The following CLIP2 variants were observed in gnomAD, a reference collection of about 807,000 sequenced individuals.
CLIP2 encodes the protein CAP-Gly domain containing linker protein 2.
CLIP2 carries 41 observed loss-of-function variants against 111.7 expected under a neutral mutation model. The ratio of observed to expected loss-of-function variants is 0.37; its 90% CI spans 0.29 to 0.48. The LOEUF (loss-of-function observed/expected upper bound fraction) is 0.48, where lower values mean the gene tolerates loss of function less well. Among genes scored for constraint, CLIP2 ranks in the 20% least tolerant of loss-of-function variants. CLIP2 has a pLI of 0.99. For missense variants in CLIP2, 1,160 were observed against 1,422.1 expected (o/e 0.82, Z 2.96); for synonymous variants, 660 against 644.2 (o/e 1.02, Z -0.37).
At chr7:74,304,105 G>A (rs560720966) in intron 1 of CLIP2, among the ~76,000 whole-genome samples, 1 of 151,888 alleles carries the variant, frequency 6.6e-6, no homozygotes, top group Non-Finnish European at 1.5e-5. Context: ...TAGGAGGTGA[G>A]GTCTCACTGT....
intron 11 of CLIP2, among the ~76,000 whole-genome samples, chr7:74,385,508 G>T (rs1791064266): frequency 6.7e-6 from 1 of 150,328 alleles, no homozygotes; most frequent in Admixed American, 6.7e-5. Flanking sequence ...GGTATTTTTA[G>T]TGGTATTACA....
chr7:74,317,367 G>T, intron 1 of CLIP2, 113 bp from the exon 2 acceptor site: 1 of 619,542 alleles, frequency 1.6e-6, no homozygotes, highest in Non-Finnish European at 2.3e-6. Flanking sequence ...AGGTTAAATC[G>T]GGTGTTGCCT....
Position 74,357,284 on chromosome 7 carries a change from C to T in CLIP2, c.1022C>T (p.Thr341Met), listed in dbSNP as rs782704898. ...TGCATCCACACCTTCCTGCAGCTCA[C>T]GGAGACCTCTTCACGCTACGCCCGC... The part of the protein sequence containing the change: ...GGRPSRSGLL[T>M]ETSSRYARKI... Residue 341 changes from threonine (T) to methionine (M), a missense_variant, in exon 6 of 17, where the codon ACG (threonine) becomes ATG (methionine). Transcript: ENST00000223398. 1.4e-5 allele frequency: 23 copies of T among 1,613,834 alleles called. No individual in the cohort carries two copies. Among genetic ancestry groups the T allele is most frequent in the South Asian group, 8.8e-5 (8 of 91,060 alleles).
chr7:74,386,457 G>C, intron 11 of CLIP2, 64 bp from the exon 12 acceptor site: 1 of 1,377,286 alleles, frequency 7.3e-7, no homozygotes, highest in Admixed American at 1.8e-5. Flanking sequence ...GAGGGCCATG[G>C]CCCTACCCAC....
intron 6 of CLIP2, among the ~76,000 whole-genome samples, chr7:74,359,775 G>T (rs575318305): frequency 6.6e-6 from 1 of 152,190 alleles, no homozygotes; most frequent in African/African-American, 2.4e-5. Flanking sequence ...TTTGTCTCCC[G>T]TGGGAGAGTT....
intron 3 of CLIP2, among the ~76,000 whole-genome samples, chr7:74,350,197 G>A (rs1390623416): frequency 7.2e-5 from 11 of 151,768 alleles, no homozygotes; most frequent in Admixed American, 1.3e-4. Flanking sequence ...GATTATAGGC[G>A]CCCACCACCA....
In CLIP2 at chr7:74,332,988, G is replaced by A. The variant is rs1415926084; in HGVS notation, c.122-5460G>A. 3.3e-5 allele frequency among the ~76,000 whole-genome samples: 5 copies of A among 152,208 alleles called. No homozygotes were observed. The South Asian group carries it at 6.2e-4, about 19-fold the overall frequency. ...GGCAGGACCCGCGTCCTCGCAGGCG[G>A]AGGGGAGAATGCGTCATCTGGGCGC... On this transcript the variant is annotated intron_variant, in intron 2 of 16. Transcript: ENST00000223398.
intron 2 of CLIP2, among the ~76,000 whole-genome samples, chr7:74,332,201 G>A (rs561528323): frequency 1.6e-4 from 25 of 152,088 alleles, no homozygotes; most frequent in African/African-American, 6.0e-4. Context: ...AGCCTCTCGA[G>A]TAGCTGGGAT....
intron 3 of CLIP2, among the ~76,000 whole-genome samples, chr7:74,350,886 GAA>G (rs61111060): frequency 0.058 from 8,607 of 147,682 alleles, 595 homozygotes; most frequent in East Asian, 0.36. Context: ...GAGAGAGAGA[GAA>G]AGAAGGAAGG....
chr7:74,331,491 G>A (rs1449604272), intron 2 of CLIP2, among the ~76,000 whole-genome samples: 1 of 151,578 alleles, frequency 6.6e-6, no homozygotes, highest in Non-Finnish European at 1.5e-5. Flanking sequence ...GATCCTGACT[G>A]AGGTGAGCAA....
At chr7:74,359,734 T>C (rs1790270787) in intron 6 of CLIP2, among the ~76,000 whole-genome samples, 1 of 152,176 alleles carries the variant, frequency 6.6e-6, no homozygotes, top group Non-Finnish European at 1.5e-5. Context: ...TTGGGGCTGC[T>C]GCTATCTCGT....
intron 9 of CLIP2, among the ~76,000 whole-genome samples, chr7:74,375,284 C>T (rs1006968376): frequency 1.3e-5 from 2 of 151,770 alleles, no homozygotes; most frequent in African/African-American, 4.8e-5. Flanking sequence ...GGCGGTGGCT[C>T]ATGCCTATAA....
At chr7:74,385,414 T>G (rs1791060031) in intron 11 of CLIP2, among the ~76,000 whole-genome samples, 1 of 147,542 alleles carries the variant, frequency 6.8e-6, no homozygotes, top group Admixed American at 6.9e-5. Flanking sequence ...TGCAGTGAGC[T>G]ATGATTGCAC....
At chr7:74,327,493 GC>G (rs1554730792) in intron 2 of CLIP2, among the ~76,000 whole-genome samples, 1 of 152,158 alleles carries the variant, frequency 6.6e-6, no homozygotes, top group Non-Finnish European at 1.5e-5. Flanking sequence ...CCGAGGTGGG[GC>G]CCCCACCCCC....
At chr7:74,295,441 G>A (rs376351526) in intron 1 of CLIP2, among the ~76,000 whole-genome samples, 4 of 152,152 alleles carry the variant, frequency 2.6e-5, no homozygotes, top group South Asian at 2.1e-4. Flanking sequence ...TTATACTGGC[G>A]GCGGGGAGAA....
intron 1 of CLIP2, among the ~76,000 whole-genome samples, chr7:74,305,852 C>CCCA: frequency 9.8e-6 from 1 of 101,774 alleles, no homozygotes; most frequent in African/African-American, 4.9e-5. Context: ...TCCCTGCACC[C>CCCA]CAACCCCCCC....
intron 13 of CLIP2, 125 bp downstream of exon 13, chr7:74,389,384 C>T (rs1457763473): frequency 8.7e-6 from 8 of 924,792 alleles, no homozygotes; most frequent in Non-Finnish European, 1.3e-5. Flanking sequence ...GGTGGCCGAT[C>T]TCGAGCGATC....
In CLIP2 at chr7:74,370,223, G is replaced by A. The variant is rs35177817; in HGVS notation, c.1381-2709G>A. On this transcript the variant is annotated intron_variant, in intron 8 of 16. Transcript: ENST00000223398. ...TGTAATCCCAGCACTTTGGGAGGCC[G>A]AGGTGGGCGGATCACGAGGTCAGGG... Among the ~76,000 whole-genome samples the A allele has an allele frequency of 3.4e-3, 491 of 144,742 alleles. 10 individuals carry two copies. In the East Asian group the frequency reaches 0.064, roughly 19 times the overall value. 95.0% of individuals were successfully genotyped at this position (144,742 alleles called of 152,430 possible).
At chr7:74,333,446 A>AGTGCTGGGATTACAGGCAT (rs1263118313) in intron 2 of CLIP2, among the ~76,000 whole-genome samples, 2 of 151,294 alleles carry the variant, frequency 1.3e-5, no homozygotes, top group Non-Finnish European at 2.9e-5. Context: ...GGCCTCCCAA[A>AGTGCTGGGATTACAGGCAT]GTGCTGGGAT....
Sources: allele counts gnomAD v4.1 joint callset (sites outside exome capture counted in the v4.1 genomes callset), GRCh38; gene constraint gnomAD v4.1.1; transcripts MANE v1.5; gene names NCBI Gene and HGNC (gene_info 2026-07-23, HGNC 2026-07-21).